WDR88: variants seen among roughly 807,000 people sequenced by gnomAD.
WDR88 encodes the protein WD repeat-containing protein 88.
Under a neutral mutation model 46.8 loss-of-function variants are expected in WDR88, and 40 were observed. That is an observed-to-expected ratio of 0.86 (90% CI 0.66 to 1.11). The LOEUF (loss-of-function observed/expected upper bound fraction) is 1.11. Among genes scored for constraint, WDR88 ranks in the 50% most tolerant of loss-of-function variants. The pLI is 0.00. For missense variants in WDR88, 562 were observed against 602.4 expected (o/e 0.93, Z 0.70); for synonymous variants, 235 against 240.7 (o/e 0.98, Z 0.22).
chr19:33,137,845 CT>C (rs1161384150), intron 2 of WDR88, 58 bp downstream of exon 2: 8 of 1,468,348 alleles, frequency 5.4e-6, no homozygotes, highest in Non-Finnish European at 6.6e-6. Flanking sequence ...GCTTAGGCAC[CT>C]CCTGTGTCGA....
At chr19:33,174,054 G>A in intron 10 of WDR88, 1 of 922,070 alleles carries the variant, frequency 1.1e-6, no homozygotes, top group Non-Finnish European at 1.6e-6. Flanking sequence ...GTTTCACCAT[G>A]TTGGCCAGGT....
chr19:33,141,948 T>A (rs555173045), intron 2 of WDR88, among the ~76,000 whole-genome samples: 1 of 152,304 alleles, frequency 6.6e-6, no homozygotes, highest in South Asian at 2.1e-4. Flanking sequence ...CCCAAAGTGC[T>A]GGGATTACAG....
At chr19:33,143,403 G>T (rs1973442548) in intron 2 of WDR88, among the ~76,000 whole-genome samples, 1 of 149,924 alleles carries the variant, frequency 6.7e-6, no homozygotes, top group African/African-American at 2.5e-5. Flanking sequence ...CAGCACTTTT[G>T]GAGGTTGAGG....
intron 10 of WDR88, among the ~76,000 whole-genome samples, chr19:33,173,916 T>A (rs1490727975): frequency 1.3e-5 from 2 of 152,212 alleles, no homozygotes; most frequent in East Asian, 3.9e-4. Flanking sequence ...AGTGGCGCGA[T>A]CTCGTCTCAC....
chr19:33,145,472 C>G (rs1316914065), intron 3 of WDR88, among the ~76,000 whole-genome samples: 1 of 151,798 alleles, frequency 6.6e-6, no homozygotes, highest in African/African-American at 2.4e-5. Context: ...GAGATAGGGT[C>G]TTGCTTTGTC....
chr19:33,159,515 T>G, intron 7 of WDR88, among the ~76,000 whole-genome samples: 1 of 152,130 alleles, frequency 6.6e-6, no homozygotes, highest in East Asian at 1.9e-4. Context: ...GAGTTCAATG[T>G]AAACAAATCA....
chr19:33,170,723 A>G (rs1166597192), intron 9 of WDR88, among the ~76,000 whole-genome samples: 1 of 152,010 alleles, frequency 6.6e-6, no homozygotes, highest in Non-Finnish European at 1.5e-5. Context: ...TTAGTGGGGT[A>G]TGGTGGCGCA....
rs1449758006 is a variant in WDR88 at position 33,132,395 on chromosome 19, C to A, written c.226C>A (p.His76Asn). The change falls in exon 1 of 11, where the codon CAC becomes AAC. Residue 76 changes from histidine to asparagine, a missense_variant. Transcript: ENST00000355868. ...EPPPHLLPEK[H>N]QVPEKLIWGD... ...ACCACCGCATCTGTTGCCTGAGAAG[C>A]ACCAGGTGCCGGAGAAATTGATCTG... 2.5e-6 allele frequency: 4 copies of A among 1,614,164 alleles called. No individual in the cohort carries two copies. The highest frequency in any genetic ancestry group is 3.4e-6 in the Non-Finnish European group (4 of 1,180,026).
At chr19:33,163,251 T>C (rs1368389236) in intron 8 of WDR88, among the ~76,000 whole-genome samples, 1 of 151,434 alleles carries the variant, frequency 6.6e-6, no homozygotes, top group Non-Finnish European at 1.5e-5. Context: ...GAGAATGGCG[T>C]GAACTTGGGA....
At chr19:33,151,029 T>C (rs1973623375) in intron 5 of WDR88, 152 bp from the exon 6 acceptor site, 7 of 905,318 alleles carry the variant, frequency 7.7e-6, no homozygotes, top group Middle Eastern at 3.5e-4. Context: ...TGGGACATAG[T>C]AGTCACTCAG....
In WDR88 at chr19:33,147,627, T is replaced by C; in HGVS notation, c.477-18T>C. 6.2e-7 allele frequency: 1 copy of C among 1,612,276 alleles called. No individual in the cohort carries two copies. The highest frequency in any genetic ancestry group is 8.5e-7 in the Non-Finnish European group (1 of 1,179,454). On this transcript the variant is annotated intron_variant, in intron 3 of 10. Coordinates refer to ENST00000355868, the MANE Select transcript of WDR88 (RefSeq NM_173479.4). ...CAAAAAAAAGAACCAGTGTTCGTCA[T>C]CGTCATCTTATTTCCAGAGTCATTG...
chr19:33,167,747 T>TCCTCTCC (rs1568371434), intron 9 of WDR88, among the ~76,000 whole-genome samples: 174 of 151,182 alleles, frequency 1.2e-3, no homozygotes, highest in African/African-American at 3.9e-3. Context: ...CTCTTTTCTC[T>TCCTCTCC]TCTCTCCTCT....
intron 7 of WDR88, among the ~76,000 whole-genome samples, 154 bp downstream of exon 7, chr19:33,156,696 A>G (rs1973742521): frequency 6.6e-6 from 1 of 152,110 alleles, no homozygotes; most frequent in African/African-American, 2.4e-5. Flanking sequence ...AAGAGGGAAG[A>G]CCACAGGTAC....
At chr19:33,147,071 A>G (rs942626117) in intron 3 of WDR88, among the ~76,000 whole-genome samples, 16 of 150,264 alleles carry the variant, frequency 1.1e-4, no homozygotes, top group Non-Finnish European at 1.9e-4. Flanking sequence ...AAAAAAAAAA[A>G]AGAGAGAGAG....
intron 1 of WDR88, among the ~76,000 whole-genome samples, chr19:33,135,054 G>C (rs1018309045): frequency 2.2e-5 from 3 of 136,062 alleles, no homozygotes; most frequent in African/African-American, 9.2e-5. Context: ...GGGGTGGGTG[G>C]GTGGGGGGGG....
intron 6 of WDR88, among the ~76,000 whole-genome samples, chr19:33,156,062 T>C (rs1241079537): frequency 6.6e-6 from 1 of 152,224 alleles, no homozygotes; most frequent in Non-Finnish European, 1.5e-5. Flanking sequence ...AAACACTGTC[T>C]CTATTATTAT....
intron 2 of WDR88, among the ~76,000 whole-genome samples, chr19:33,144,359 C>G (rs999071073): frequency 1.3e-5 from 2 of 152,138 alleles, no homozygotes; most frequent in African/African-American, 4.8e-5. Flanking sequence ...GCCACCACAC[C>G]CAGCTAATTT....
At chr19:33,156,706 C>G (rs920813450) in intron 7 of WDR88, among the ~76,000 whole-genome samples, 164 bp downstream of exon 7, 1 of 152,146 alleles carries the variant, frequency 6.6e-6, no homozygotes, top group Non-Finnish European at 1.5e-5. Context: ...ACCACAGGTA[C>G]CAGTTTACAG....
At chr19:33,149,322 A>AAAAAAACAAACAAACAAACAAAC (rs1568363885) in intron 5 of WDR88, among the ~76,000 whole-genome samples, 1 of 133,754 alleles carries the variant, frequency 7.5e-6, no homozygotes, top group African/African-American at 3.6e-5. Flanking sequence ...ACTCCATCTC[A>AAAAAAACAAACAAACAAACAAAC]AAAAAACAAA....
Sources: gnomAD v4.1 joint callset for allele counts (sites outside exome capture counted in the v4.1 genomes callset) on GRCh38, gnomAD v4.1.1 for gene constraint, MANE v1.5 for transcripts, NCBI Gene and HGNC (gene_info 2026-07-23, HGNC 2026-07-21) for gene names.